EVI5L: variants seen among roughly 807,000 people sequenced by gnomAD.
EVI5L encodes ecotropic viral integration site 5 like, also known as EVI5-like protein.
Under a neutral mutation model 106.1 loss-of-function variants are expected in EVI5L, and 30 were observed. The observed-to-expected ratio is 0.28, with a 90% CI of 0.21 to 0.38. The LOEUF (loss-of-function observed/expected upper bound fraction) is 0.38. Ranked by LOEUF, EVI5L falls within the 10% of genes least tolerant of loss-of-function variation. The probability of loss-of-function intolerance (pLI) is 1.00; values close to 1 mark genes in which losing one functional copy is unlikely to be tolerated. For synonymous variants in EVI5L, 489 were observed against 483.3 expected, an observed-to-expected ratio of 1.01 and a Z score of -0.15; for missense variants, 809 against 1,098.0, an observed-to-expected ratio of 0.74 and a Z score of 3.72.
At position 7,863,212 on chromosome 19, in the gene EVI5L, C is replaced by T; in HGVS notation, c.2071C>T (p.Leu691=). The change falls in exon 19 of 20, where the codon CTG becomes TTG. Residue 691 remains leucine (L), a synonymous_variant. Transcript: ENST00000538904. This position sits in a 1 kb window ranked among gnomAD's most constrained non-coding sequence, Gnocchi z 7.7. ...QREEGRIQGQ[L]NHSDSSQYIR... ...GGAGGAAGGCCGCATCCAGGGCCAG[C>T]TGAACCACTCGGACTCATCGCAGTA... 1.9e-6 allele frequency: 3 copies of T among 1,560,686 alleles called. No individual in the cohort carries two copies. The highest frequency in any genetic ancestry group is 1.2e-5 in the South Asian group (1 of 84,706).
At chr19:7,832,657 C>A (rs967346068) in intron 1 of EVI5L, among the ~76,000 whole-genome samples, 1 of 152,066 alleles carries the variant, frequency 6.6e-6, no homozygotes, top group African/African-American at 2.4e-5. Flanking sequence ...CTGCGAGGGT[C>A]TTAGTTGACA....
rs535759115 is a variant in EVI5L, at chr19:7,845,191, G to A, written c.-47-1305G>A. The stretch of plus-strand genomic sequence containing the variant: ...CTACAGAGCGTGCCGGGCAGTGGGC[G>A]GGCATGAGGAGCCGTGCAAATAAGG... On this transcript the variant is annotated intron_variant, in intron 1 of 19. Coordinates refer to ENST00000538904, the MANE Select transcript of EVI5L (RefSeq NM_001159944.3). The surrounding 1 kb of genome is among the most constrained non-coding windows in gnomAD (Gnocchi z 4.0). 5.9e-5 allele frequency among the ~76,000 whole-genome samples: 9 copies of A among 152,260 alleles called. No individual in the cohort carries two copies. In the South Asian group the frequency reaches 1.0e-3, roughly 18 times the overall value.
At chr19:7,830,464 C>G (rs1405290926) in intron 1 of EVI5L, 83 bp downstream of exon 1, 7 of 151,394 alleles carry the variant, frequency 4.6e-5, no homozygotes, top group African/African-American at 9.6e-5. Context: ...CCGGCAGGAC[C>G]GCAACTCGGG....
At chr19:7,844,206 C>A (rs1481032088) in intron 1 of EVI5L, among the ~76,000 whole-genome samples, 1 of 151,812 alleles carries the variant, frequency 6.6e-6, no homozygotes, top group Non-Finnish European at 1.5e-5. Flanking sequence ...CAAAAATTAG[C>A]TGGGCGTGGT....
At chr19:7,852,576 C>T (rs1211776493) in intron 8 of EVI5L, among the ~76,000 whole-genome samples, 2 of 148,042 alleles carry the variant, frequency 1.4e-5, no homozygotes, top group South Asian at 2.1e-4. Flanking sequence ...TTTTTTAAGT[C>T]GGAGTTGCTC....
At position 7,845,004 on chromosome 19, in the gene EVI5L, G is replaced by T. The variant is rs1015209001; in HGVS notation, c.-47-1492G>T. ...GTGGGAAGGTGCCCAGTGACCCAAC[G>T]GTAGTCAGGCAGGTATAGAGTGGTC... On this transcript the variant is annotated intron_variant, in intron 1 of 19. Transcript: ENST00000538904. This position sits in a 1 kb window ranked among gnomAD's most constrained non-coding sequence, Gnocchi z 4.0. 6.6e-6 allele frequency among the ~76,000 whole-genome samples: 1 copy of T among 152,146 alleles called. No homozygotes were observed. Among genetic ancestry groups the T allele is most frequent in the African/African-American group, 2.4e-5 (1 of 41,426 alleles).
Position 7,858,421 on chromosome 19 carries a change from C to T in EVI5L, c.1374+90C>T. 1 of 1,441,384 alleles carries T rather than the reference C, an allele frequency of 6.9e-7. No homozygotes were observed. The highest frequency in any genetic ancestry group is 9.1e-7 in the Non-Finnish European group (1 of 1,094,186). The allele number at this position is 1,441,384 out of a possible 1,614,324, so 89.3% of individuals were successfully genotyped here. On this transcript the variant is annotated intron_variant, in intron 13 of 19. Coordinates refer to ENST00000538904, the MANE Select transcript of EVI5L (RefSeq NM_001159944.3). The surrounding 1 kb of genome is among the most constrained non-coding windows in gnomAD (Gnocchi z 5.7). ...GTTTTCTTTCAGGGCTCATAATCTGCCCCGCCTCAGCACCTGGCCCTCCTG... is the reference window on the plus strand; with the variant it reads ...GTTTTCTTTCAGGGCTCATAATCTGTCCCGCCTCAGCACCTGGCCCTCCTG...
At position 7,850,619 on chromosome 19, in the gene EVI5L, A is replaced by G. The variant is rs191821133; in HGVS notation, c.753+497A>G. ...CATGCATACACACACACGCAGACAC[A>G]CACACACACACCGGCCCGCCTCAGC... On this transcript the variant is annotated intron_variant, in intron 6 of 19. Coordinates refer to ENST00000538904, the MANE Select transcript of EVI5L (RefSeq NM_001159944.3). The surrounding 1 kb of genome is among the most constrained non-coding windows in gnomAD (Gnocchi z 5.4). Among the ~76,000 whole-genome samples the G allele has an allele frequency of 1.2e-4, 19 of 152,260 alleles. No individual in the cohort carries two copies. Among genetic ancestry groups the G allele is most frequent in the Non-Finnish European group, 2.4e-4 (16 of 67,994 alleles).
At position 7,856,960 on chromosome 19, in the gene EVI5L, C is replaced by A; in HGVS notation, c.1201-132C>A. 1 of 936,670 alleles carries A rather than the reference C, an allele frequency of 1.1e-6. No individual in the cohort carries two copies. The highest frequency in any genetic ancestry group is 1.7e-6 in the Non-Finnish European group (1 of 592,520). The allele number at this position is 936,670 out of a possible 1,614,324, so 58.0% of individuals were successfully genotyped here. On this transcript the variant is annotated intron_variant, in intron 11 of 19. Coordinates refer to ENST00000538904, the MANE Select transcript of EVI5L (RefSeq NM_001159944.3). The surrounding 1 kb of genome is among the most constrained non-coding windows in gnomAD (Gnocchi z 6.6). ...CCTGCTGGTTCTCTGGTCTTCCCTC[C>A]TCTCTCCCCCGCTTCTAGAGATAGT...
At chr19:7,847,634 C>T (rs1979017430) in intron 2 of EVI5L, 98 bp from the exon 3 acceptor site, 2 of 1,297,958 alleles carry the variant, frequency 1.5e-6, no homozygotes, top group Non-Finnish European at 2.1e-6. Context: ...CCCTGGTGTC[C>T]TCTAAGACCC....
intron 1 of EVI5L, among the ~76,000 whole-genome samples, chr19:7,836,169 G>C (rs1007395778): frequency 6.6e-6 from 1 of 151,796 alleles, no homozygotes; most frequent in Non-Finnish European, 1.5e-5. Context: ...CCCAGGAGGC[G>C]GAGGTTGCAG....
In EVI5L at chr19:7,857,101, G is replaced by A; in HGVS notation, c.1210G>A (p.Ala404Thr). 1 of 1,551,808 alleles carries A rather than the reference G, an allele frequency of 6.4e-7. No homozygotes were observed. The highest frequency in any genetic ancestry group is 1.2e-5 in the South Asian group (1 of 84,070). Residue 404 changes from alanine to threonine, a missense_variant, in exon 12 of 20, where the codon GCT (alanine) becomes ACT (threonine). This residue lies in a region of EVI5L where 357 missense variants were observed against 588.1 expected (regional missense o/e 0.61). Transcript: ENST00000538904. The surrounding 1 kb of genome is among the most constrained non-coding windows in gnomAD (Gnocchi z 4.5). The part of the protein sequence containing the change: ...RIETLEKESA[A>T]LADRLIQGQV... Reference sequence around the variant, plus strand: ...CCCCTTCGCCGGGTAGGAGAGCGCTGCTCTGGCTGATAGGTTAATCCAGGT... The same window carrying A: ...CCCCTTCGCCGGGTAGGAGAGCGCTACTCTGGCTGATAGGTTAATCCAGGT...
At chr19:7,837,725 A>G (rs1978401667) in intron 1 of EVI5L, among the ~76,000 whole-genome samples, 2 of 151,690 alleles carry the variant, frequency 1.3e-5, no homozygotes, top group Admixed American at 6.6e-5. Flanking sequence ...TTTGAGATGG[A>G]GTTTCGCTCT....
chr19:7,863,420 C>T lies in EVI5L; in HGVS notation c.2140-4C>T, dbSNP rs1410392922. The T allele has an allele frequency of 6.5e-7, 1 of 1,537,582 alleles. No homozygotes were observed. The highest frequency in any genetic ancestry group is 1.4e-5 in the African/African-American group (1 of 72,482). On this transcript the variant is annotated splice_region_variant and splice_polypyrimidine_tract_variant and intron_variant, in intron 19 of 19. Coordinates refer to ENST00000538904, the MANE Select transcript of EVI5L (RefSeq NM_001159944.3). The surrounding 1 kb of genome is among the most constrained non-coding windows in gnomAD (Gnocchi z 7.7). ...ACGCCTGCAGCGCCGGTCCCCCGCC[C>T]CAGGTGCGGCTGCTGAAGGGCCCGC...
At position 7,863,477 on chromosome 19, in the gene EVI5L, G is replaced by A; in HGVS notation, c.2193G>A (p.Gly731=). Residue 731 remains glycine, a synonymous_variant, in exon 20 of 20, where the codon GGG becomes GGA. Coordinates refer to ENST00000538904, the MANE Select transcript of EVI5L (RefSeq NM_001159944.3). The surrounding 1 kb of genome is among the most constrained non-coding windows in gnomAD (Gnocchi z 7.7). ...PPFEDPLAFD[G]LSLARHLDED... is the part of the protein sequence containing the mutation. ...TCGAGGACCCGCTGGCTTTCGATGG[G>A]CTGAGCCTGGCGCGGCACTTGGACG... 6.4e-7 allele frequency: 1 copy of A among 1,571,778 alleles called. No homozygotes were observed. The highest frequency in any genetic ancestry group is 1.4e-5 in the African/African-American group (1 of 73,808).
chr19:7,843,198 G>A (rs1342094028), intron 1 of EVI5L, among the ~76,000 whole-genome samples: 5 of 129,074 alleles, frequency 3.9e-5, no homozygotes, highest in Non-Finnish European at 8.2e-5. Context: ...TGTGTGTATA[G>A]GGGTGTGTGT....
Position 7,848,212 on chromosome 19 carries a change from G to C in EVI5L, c.327+291G>C, listed in dbSNP as rs1332734582. Among the ~76,000 whole-genome samples, 3 of 152,100 alleles carry C rather than the reference G, an allele frequency of 2.0e-5. No homozygotes were observed. Among genetic ancestry groups the C allele is most frequent in the Non-Finnish European group, 4.4e-5 (3 of 68,014 alleles). ...TCACGCCTGGAATCTCAGCACTTTG[G>C]GCGGCCAAGGTGGGAGGATCGCTTG... is the stretch of plus-strand genomic sequence containing the variant. On this transcript the variant is annotated intron_variant, in intron 3 of 19. Coordinates refer to ENST00000538904, the MANE Select transcript of EVI5L (RefSeq NM_001159944.3). The surrounding 1 kb of genome is among the most constrained non-coding windows in gnomAD (Gnocchi z 4.8).
chr19:7,830,996 A>AGAG (rs980331980), intron 1 of EVI5L, among the ~76,000 whole-genome samples: 3 of 139,180 alleles, frequency 2.2e-5, no homozygotes, highest in Admixed American at 7.2e-5. Context: ...CACAGCCCTC[A>AGAG]GCTCAGCCTG....
At chr19:7,840,901 C>T (rs1395933210) in intron 1 of EVI5L, among the ~76,000 whole-genome samples, 1 of 152,162 alleles carries the variant, frequency 6.6e-6, no homozygotes, top group African/African-American at 2.4e-5. Context: ...TGCTTTTTGG[C>T]TGTTGTGAAC....
Sources: allele counts gnomAD v4.1 joint callset (sites outside exome capture counted in the v4.1 genomes callset), GRCh38; gene constraint gnomAD v4.1.1; regional missense constraint gnomAD v4.1.1; non-coding constraint Gnocchi (gnomAD v3.1); transcripts MANE v1.5; gene names NCBI Gene and HGNC (gene_info 2026-07-23, HGNC 2026-07-21).